ZNF608: variants seen among roughly 807,000 people sequenced by gnomAD.
ZNF608 encodes the protein renal carcinoma antigen NY-REN-36.
ZNF608 carries 12 observed loss-of-function variants against 109.0 expected under a neutral mutation model. That is an observed-to-expected ratio of 0.11 (90% CI 0.07 to 0.18). The LOEUF (loss-of-function observed/expected upper bound fraction) is 0.18. ZNF608 is among the 10% of genes least tolerant of loss of function. The pLI is 1.00. For missense variants in ZNF608, 1,707 were observed against 1,879.3 expected, an observed-to-expected ratio of 0.91 and a Z score of 1.70; for synonymous variants, 732 against 717.4, an observed-to-expected ratio of 1.02 and a Z score of -0.33.
chr5:124,702,973 A>AG (rs1264112675), intron 2 of ZNF608, among the ~76,000 whole-genome samples: 7 of 152,156 alleles, frequency 4.6e-5, no homozygotes, highest in South Asian at 2.1e-4. Context: ...AGGAAATTTA[A>AG]GGGGGGAAAA....
At chr5:124,642,564 A>G (rs571114972) in intron 7 of ZNF608, among the ~76,000 whole-genome samples, 1 of 152,276 alleles carries the variant, frequency 6.6e-6, no homozygotes, top group Non-Finnish European at 1.5e-5. Context: ...AACAAAGATA[A>G]GTGATGCAGA....
chr5:124,656,016 A>C (rs565327577), intron 3 of ZNF608, among the ~76,000 whole-genome samples: 65 of 152,360 alleles, frequency 4.3e-4, no homozygotes, highest in African/African-American at 1.6e-3. Flanking sequence ...GTGTTGTCAC[A>C]TGACCATAAA....
chr5:124,727,722 C>A, intron 2 of ZNF608, among the ~76,000 whole-genome samples: 1 of 139,692 alleles, frequency 7.2e-6, no homozygotes, highest in Non-Finnish European at 1.5e-5. Context: ...TTGTTGCCAG[C>A]TCCAGGTATC....
chr5:124,693,534 A>G (rs1752701640), intron 3 of ZNF608, among the ~76,000 whole-genome samples: 1 of 152,222 alleles, frequency 6.6e-6, no homozygotes, highest in Non-Finnish European at 1.5e-5. Flanking sequence ...AAAAGAGGTA[A>G]CAATGTCTTT....
At position 124,691,955 on chromosome 5, in the gene ZNF608, T is replaced by C. The variant is rs138663948; in HGVS notation, c.1162+9059A>G. ...GAAAATGAACTAACATATGAAGTGG[T>C]CACCTAAATTGTGAGATTATAGAGT... is the stretch of plus-strand genomic sequence containing the variant. On this transcript the variant is annotated intron_variant, in intron 3 of 9. Transcript: ENST00000513986. Among the ~76,000 whole-genome samples the C allele has an allele frequency of 3.3e-5, 5 of 152,290 alleles. No individual in the cohort carries two copies. The East Asian group carries it at 9.6e-4, about 29-fold the overall frequency.
At chr5:124,660,021 C>T (rs1430849060) in intron 3 of ZNF608, among the ~76,000 whole-genome samples, 20 of 152,176 alleles carry the variant, frequency 1.3e-4, no homozygotes. Context: ...GCTGTGTCCT[C>T]TGTAAATCAT....
At chr5:124,722,708 A>G (rs1172090525) in intron 2 of ZNF608, among the ~76,000 whole-genome samples, 1 of 152,138 alleles carries the variant, frequency 6.6e-6, no homozygotes, top group Non-Finnish European at 1.5e-5. Context: ...GATATCTTCA[A>G]ATAAGCTATC....
intron 2 of ZNF608, chr5:124,708,725 C>G (rs1227781495): frequency 4.4e-6 from 2 of 456,234 alleles, no homozygotes; most frequent in East Asian, 1.4e-4. Context: ...GTATGAAGAC[C>G]AACCCTGCCC....
At chr5:124,722,712 A>C (rs981643692) in intron 2 of ZNF608, among the ~76,000 whole-genome samples, 2 of 152,090 alleles carry the variant, frequency 1.3e-5, no homozygotes, top group Non-Finnish European at 2.9e-5. Context: ...TCTTCAAATA[A>C]GCTATCTGAA....
In ZNF608 at chr5:124,709,136, C is replaced by A. The variant is rs556121804; in HGVS notation, c.907-7867G>T. Among the ~76,000 whole-genome samples, 170 of 142,976 alleles carry A rather than the reference C, an allele frequency of 1.2e-3. 1 individual carries two copies. The highest frequency in any genetic ancestry group is 4.4e-3 in the African/African-American group (169 of 38,412). 93.8% of individuals were successfully genotyped at this position (142,976 alleles called of 152,430 possible). On this transcript the variant is annotated intron_variant, in intron 2 of 9. Transcript: ENST00000513986. ...CAGTGGGCCGAGACTGCACCATTGC[C>A]CTCCAGCCTGGGCAACAGAGAGAGA...
intron 8 of ZNF608, among the ~76,000 whole-genome samples, chr5:124,640,901 T>G (rs1374713372): frequency 1.3e-5 from 2 of 152,210 alleles, no homozygotes; most frequent in African/African-American, 4.8e-5. Flanking sequence ...TCACCAAAGC[T>G]TCCCACCATC....
At chr5:124,734,226 A>G (rs1318695305) in intron 2 of ZNF608, among the ~76,000 whole-genome samples, 1 of 152,206 alleles carries the variant, frequency 6.6e-6, no homozygotes. Context: ...CGTTTACATT[A>G]AGAGTAGCAC....
chr5:124,683,014 G>GTCTC (rs70991636), intron 3 of ZNF608, among the ~76,000 whole-genome samples: 21 of 148,956 alleles, frequency 1.4e-4, no homozygotes, highest in South Asian at 8.5e-4. Context: ...TGGGTGCTCT[G>GTCTC]TCTCTCTCTC....
At chr5:124,680,445 A>G (rs1290228589) in intron 3 of ZNF608, among the ~76,000 whole-genome samples, 1 of 152,216 alleles carries the variant, frequency 6.6e-6, no homozygotes, top group Non-Finnish European at 1.5e-5. Flanking sequence ...TGGCACCAAG[A>G]AAGTTGGCTG....
At chr5:124,686,599 T>A (rs1752422840) in intron 3 of ZNF608, among the ~76,000 whole-genome samples, 1 of 152,214 alleles carries the variant, frequency 6.6e-6, no homozygotes, top group Non-Finnish European at 1.5e-5. Context: ...CTTTTTGTAT[T>A]CTGAAAAGTG....
intron 4 of ZNF608, among the ~76,000 whole-genome samples, 170 bp downstream of exon 4, chr5:124,649,440 T>C (rs1580539721): frequency 6.6e-6 from 1 of 152,236 alleles, no homozygotes; most frequent in Non-Finnish European, 1.5e-5. Flanking sequence ...GATCTTCTGA[T>C]AGAAAAGAAA....
In ZNF608 at chr5:124,657,338, T is replaced by C. The variant is rs1256358955; in HGVS notation, c.1163-7641A>G. 1.1e-4 allele frequency among the ~76,000 whole-genome samples: 17 copies of C among 152,162 alleles called. No homozygotes were observed. In the South Asian group the frequency reaches 2.5e-3, roughly 22 times the overall value. On this transcript the variant is annotated intron_variant, in intron 3 of 9. Coordinates refer to ENST00000513986, the MANE Select transcript of ZNF608 (RefSeq NM_020747.3). Reference sequence around the variant, plus strand: ...CAGTGAAAACTTACAGGGCCCAAGATATAACATGAAAAGAAATACTAAATC... The same window carrying C: ...CAGTGAAAACTTACAGGGCCCAAGACATAACATGAAAAGAAATACTAAATC...
chr5:124,735,745 T>C (rs1447201206), intron 2 of ZNF608, among the ~76,000 whole-genome samples: 4 of 152,204 alleles, frequency 2.6e-5, no homozygotes, highest in Non-Finnish European at 5.9e-5. Flanking sequence ...GGAATGTAAA[T>C]GGAGACAATT....
At chr5:124,726,748 C>T (rs71594385) in intron 2 of ZNF608, among the ~76,000 whole-genome samples, 2 of 151,846 alleles carry the variant, frequency 1.3e-5, no homozygotes, top group African/African-American at 2.4e-5. Flanking sequence ...ATCCAAATTC[C>T]TTACCATGGC....
Sources: gnomAD v4.1 joint callset for allele counts (sites outside exome capture counted in the v4.1 genomes callset) on GRCh38, gnomAD v4.1.1 for gene constraint, MANE v1.5 for transcripts, NCBI Gene and HGNC (gene_info 2026-07-23, HGNC 2026-07-21) for gene names.